The following TMTC2 variants were observed in gnomAD, a reference collection of about 807,000 sequenced individuals.
TMTC2 encodes protein O-mannosyl-transferase TMTC2.
TMTC2 carries 43 observed loss-of-function variants against 82.4 expected under a neutral mutation model. That is an observed-to-expected ratio of 0.52 (90% confidence interval 0.41 to 0.67). The LOEUF is 0.67. Ranked by LOEUF, TMTC2 falls within the 30% of genes least tolerant of loss-of-function variation. The pLI is 0.00. For synonymous variants in TMTC2, 408 were observed against 381.9 expected, an observed-to-expected ratio of 1.07 and a Z score of -0.80; for missense variants, 919 against 1,012.4, an observed-to-expected ratio of 0.91 and a Z score of 1.25.
At chr12:83,001,039 G>A (rs1879896496) in intron 8 of TMTC2, among the ~76,000 whole-genome samples, 2 of 151,964 alleles carry the variant, frequency 1.3e-5, no homozygotes, top group Admixed American at 6.6e-5. Flanking sequence ...ACCCTGGGCC[G>A]GACTCACAAA....
intron 9 of TMTC2, among the ~76,000 whole-genome samples, chr12:83,039,124 G>T (rs1247394192): frequency 6.6e-6 from 1 of 151,968 alleles, no homozygotes; most frequent in Non-Finnish European, 1.5e-5. Flanking sequence ...TAGAGACAAG[G>T]TTTTCCCATG....
chr12:82,716,986 CAG>C (rs1873933560), intron 1 of TMTC2, among the ~76,000 whole-genome samples: 2 of 152,034 alleles, frequency 1.3e-5, no homozygotes, highest in African/African-American at 2.4e-5. Context: ...AGAAATAAAA[CAG>C]AAATAAAAAC....
At chr12:83,031,351 C>T (rs980807563) in intron 9 of TMTC2, among the ~76,000 whole-genome samples, 1 of 152,080 alleles carries the variant, frequency 6.6e-6, no homozygotes, top group Non-Finnish European at 1.5e-5. Flanking sequence ...ATATTGAGGC[C>T]AAGGATAAGC....
At position 83,106,871 on chromosome 12, in the gene TMTC2, C is replaced by G. The variant is rs531165222; in HGVS notation, c.2332-25339C>G. Among the ~76,000 whole-genome samples the G allele has an allele frequency of 2.0e-5, 3 of 152,338 alleles. 1 individual carries two copies. Among genetic ancestry groups the G allele is most frequent in the African/African-American group, 7.2e-5 (3 of 41,576 alleles). On this transcript the variant is annotated intron_variant, in intron 11 of 11. Coordinates refer to ENST00000321196, the MANE Select transcript of TMTC2 (RefSeq NM_152588.3). Reference sequence around the variant, plus strand: ...AAATATGGCCACTGGCAGCCTTTTACTGAAGAAATCCCTAAAGCATATACT... The same window carrying G: ...AAATATGGCCACTGGCAGCCTTTTAGTGAAGAAATCCCTAAAGCATATACT...
chr12:82,760,237 C>T (rs1051636091), intron 1 of TMTC2: 2 of 151,876 alleles, frequency 1.3e-5, no homozygotes, highest in Non-Finnish European at 2.9e-5. Context: ...GAGAAGCTCT[C>T]ATTTTGTTGA....
At chr12:82,944,564 CAAAA>C (rs11296823) in intron 4 of TMTC2, among the ~76,000 whole-genome samples, 8 of 92,834 alleles carry the variant, frequency 8.6e-5, no homozygotes, top group Admixed American at 1.1e-4. Context: ...GTGACAGTCT[CAAAA>C]AAAAAAAAAA....
intron 1 of TMTC2, chr12:82,760,283 T>C (rs1876542958): frequency 6.6e-6 from 1 of 152,100 alleles, no homozygotes; most frequent in South Asian, 2.1e-4. Context: ...AGCATCATCC[T>C]GGAAATTTTT....
intron 2 of TMTC2, among the ~76,000 whole-genome samples, chr12:82,878,199 A>G (rs563451563): frequency 6.6e-6 from 1 of 152,340 alleles, no homozygotes; most frequent in Non-Finnish European, 1.5e-5. Flanking sequence ...ATAGTAAGTC[A>G]GTGAACAAAA....
chr12:82,825,069 A>C (rs911247453), intron 1 of TMTC2, among the ~76,000 whole-genome samples: 1 of 151,716 alleles, frequency 6.6e-6, no homozygotes, highest in African/African-American at 2.4e-5. Flanking sequence ...AGTCTGAGTG[A>C]CAAAACAAGA....
At chr12:83,048,559 A>C (rs2137453011) in intron 9 of TMTC2, among the ~76,000 whole-genome samples, 1 of 152,210 alleles carries the variant, frequency 6.6e-6, no homozygotes, top group East Asian at 1.9e-4. Context: ...AAATTTTGTC[A>C]CTTGCTTTTG....
chr12:83,047,092 G>T (rs1882172705), intron 9 of TMTC2, among the ~76,000 whole-genome samples: 1 of 152,188 alleles, frequency 6.6e-6, no homozygotes, highest in Admixed American at 6.5e-5. Context: ...CAAACTTAGA[G>T]GCTGAGAGAT....
At chr12:82,986,148 T>A in intron 8 of TMTC2, 102 bp downstream of exon 8, 1 of 1,503,820 alleles carries the variant, frequency 6.6e-7, no homozygotes, top group East Asian at 2.3e-5. Flanking sequence ...TCTAAGCTAT[T>A]AGGGATGCAA....
At chr12:82,840,898 T>C (rs914498162) in intron 1 of TMTC2, among the ~76,000 whole-genome samples, 2 of 152,088 alleles carry the variant, frequency 1.3e-5, no homozygotes, top group African/African-American at 4.8e-5. Context: ...TCCTGCCTTA[T>C]CCTCCTGAGT....
intron 1 of TMTC2, among the ~76,000 whole-genome samples, chr12:82,750,206 T>G (rs1230584687): frequency 6.6e-6 from 1 of 151,600 alleles, no homozygotes; most frequent in Non-Finnish European, 1.5e-5. Flanking sequence ...GAAGTTCCTC[T>G]TTTGTTTTAT....
chr12:83,126,581 A>T (rs1029904607), intron 11 of TMTC2, among the ~76,000 whole-genome samples: 1 of 152,124 alleles, frequency 6.6e-6, no homozygotes, highest in African/African-American at 2.4e-5. Context: ...ACCAAGTTGG[A>T]CAAAAGGGGT....
At chr12:82,785,342 A>C (rs10083138) in intron 1 of TMTC2, among the ~76,000 whole-genome samples, 2,936 of 150,460 alleles carry the variant, frequency 0.02, 90 homozygotes, top group African/African-American at 0.069. Flanking sequence ...TTTTTAATCC[A>C]AAATAAACAA....
intron 1 of TMTC2, among the ~76,000 whole-genome samples, chr12:82,820,309 C>G (rs751108834): frequency 3.3e-5 from 5 of 152,140 alleles, no homozygotes; most frequent in Non-Finnish European, 5.9e-5. Context: ...TCAATGCAAT[C>G]AAGTTGACAC....
chr12:83,090,570 T>C (rs1231515995), intron 11 of TMTC2, among the ~76,000 whole-genome samples: 1 of 152,194 alleles, frequency 6.6e-6, no homozygotes, highest in Non-Finnish European at 1.5e-5. Context: ...TGAAGCAAGA[T>C]ACTTAAAAGC....
intron 4 of TMTC2, among the ~76,000 whole-genome samples, chr12:82,946,745 C>T (rs201793294): frequency 5.1e-5 from 7 of 136,994 alleles, no homozygotes; most frequent in Non-Finnish European, 7.7e-5. Flanking sequence ...CTTTTCTTTT[C>T]TTTTTTTTTT....
Sources: allele counts gnomAD v4.1 joint callset (sites outside exome capture counted in the v4.1 genomes callset), GRCh38; gene constraint gnomAD v4.1.1; transcripts MANE v1.5; gene names NCBI Gene and HGNC (gene_info 2026-07-23, HGNC 2026-07-21).